CFAP47: variants seen among roughly 807,000 people sequenced by gnomAD.
CFAP47 encodes cilia and flagella associated protein 47.
In CFAP47, 29 loss-of-function variants were observed where a neutral mutation model predicts 148.1. The ratio of observed to expected loss-of-function variants is 0.20; its 90% confidence interval spans 0.15 to 0.27. CFAP47 has a LOEUF of 0.27. CFAP47 is among the 10% of genes least tolerant of loss of function. The pLI is 1.00. For missense variants in CFAP47, 1,872 were observed against 1,697.5 expected (o/e 1.10, Z -1.81); for synonymous variants, 664 against 577.3 (o/e 1.15, Z -2.15).
chrX:36,225,168 A>G (rs1940256241), intron 45 of CFAP47, among the ~76,000 whole-genome samples: 1 of 112,028 alleles, frequency 8.9e-6, no homozygotes, highest in African/African-American at 3.2e-5. Context: ...TAGGGATGGA[A>G]GGGACAGATC....
rs782671986 is a variant in CFAP47, at chrX:36,232,879, A to G, written c.7015-3055A>G. Reference sequence around the variant, plus strand: ...GCCTTCATTTCGTTATGTATCCAGTAGTCATTCAGGAGCAGGTTGTTCAGT... The same window carrying G: ...GCCTTCATTTCGTTATGTATCCAGTGGTCATTCAGGAGCAGGTTGTTCAGT... On this transcript the variant is annotated intron_variant, in intron 46 of 63. Coordinates refer to ENST00000378653, the MANE Select transcript of CFAP47 (RefSeq NM_001304548.2). Among the ~76,000 whole-genome samples the G allele has an allele frequency of 1.4e-3, 160 of 112,228 alleles. 1 individual carries two copies. Among genetic ancestry groups the G allele is most frequent in the African/African-American group, 4.7e-3 (146 of 30,887 alleles).
At chrX:36,282,351 G>A (rs1479447692) in intron 50 of CFAP47, among the ~76,000 whole-genome samples, 1 of 110,893 alleles carries the variant, frequency 9.0e-6, no homozygotes, top group Non-Finnish European at 1.9e-5. Context: ...CTTCATGAGG[G>A]TTAAAGTGTT....
At chrX:36,084,831 G>A (rs1019692173) in intron 29 of CFAP47, among the ~76,000 whole-genome samples, 1 of 111,418 alleles carries the variant, frequency 9.0e-6, no homozygotes, top group Non-Finnish European at 1.9e-5. Context: ...GCCCTTCTAA[G>A]CATTAAAATA....
In CFAP47 at chrX:36,030,620, A is replaced by T. The variant is rs1463280697; in HGVS notation, c.3557-633A>T. Among the ~76,000 whole-genome samples the T allele has an allele frequency of 3.6e-5, 4 of 110,570 alleles. No individual in the cohort carries two copies. The Admixed American group carries it at 3.9e-4, about 11-fold the overall frequency. ...GATACATACATTTTTAGGATCAGAA[A>T]TTGTTTTATTTTATTTACTTTTTTT... On this transcript the variant is annotated intron_variant, in intron 22 of 63. Transcript: ENST00000378653.
intron 33 of CFAP47, among the ~76,000 whole-genome samples, chrX:36,110,995 A>G (rs1301929135): frequency 9.0e-6 from 1 of 111,512 alleles, no homozygotes; most frequent in Non-Finnish European, 1.9e-5. Context: ...CAGCATAAGG[A>G]GTTTTTGGGT....
At chrX:36,248,495 A>G (rs1193779678) in intron 48 of CFAP47, among the ~76,000 whole-genome samples, 3 of 67,757 alleles carry the variant, frequency 4.4e-5, no homozygotes, top group African/African-American at 3.4e-4. Context: ...CACATATTAT[A>G]TCACACACAC....
chrX:36,210,832 G>A (rs188820498), intron 45 of CFAP47, among the ~76,000 whole-genome samples: 31 of 112,570 alleles, frequency 2.8e-4, no homozygotes, highest in African/African-American at 1.0e-3. Flanking sequence ...GACTTTCATA[G>A]CTTTAGTTCT....
intron 30 of CFAP47, among the ~76,000 whole-genome samples, chrX:36,087,054 G>A (rs1181798139): frequency 9.0e-6 from 1 of 111,632 alleles, no homozygotes; most frequent in African/African-American, 3.3e-5. Context: ...AAAAGAACAA[G>A]TATCCAGAAA....
intron 2 of CFAP47, among the ~76,000 whole-genome samples, chrX:35,930,180 C>T (rs6632402): frequency 0.2 from 22,305 of 110,253 alleles, 1,966 homozygotes; most frequent in African/African-American, 0.34. Flanking sequence ...TCTGTGTCAA[C>T]TTACATGATC....
intron 48 of CFAP47, among the ~76,000 whole-genome samples, chrX:36,242,304 A>G (rs781876666): frequency 4.0e-4 from 45 of 112,102 alleles, no homozygotes; most frequent in South Asian, 1.5e-3. Flanking sequence ...GGTCTCCAGG[A>G]ATGGTTCTTA....
intron 26 of CFAP47, among the ~76,000 whole-genome samples, chrX:36,064,700 T>C (rs917671787): frequency 1.8e-5 from 2 of 111,967 alleles, no homozygotes; most frequent in African/African-American, 6.5e-5. Flanking sequence ...TCAACAGTGA[T>C]ATTTTCTTGG....
In CFAP47 at chrX:36,300,117, T is replaced by C. The variant is rs1210207342; in HGVS notation, c.7863-955T>C. Among the ~76,000 whole-genome samples, 40 of 111,023 alleles carry C rather than the reference T, an allele frequency of 3.6e-4. No homozygotes were observed. In the Admixed American group the frequency reaches 3.9e-3, roughly 11 times the overall value. Reference sequence around the variant, plus strand: ...TTACTGTCTGCCTACTCTGTTATCATCATTGGGGCGTGTATTTTACATATA... The same window carrying C: ...TTACTGTCTGCCTACTCTGTTATCACCATTGGGGCGTGTATTTTACATATA... On this transcript the variant is annotated intron_variant, in intron 52 of 63. Coordinates refer to ENST00000378653, the MANE Select transcript of CFAP47 (RefSeq NM_001304548.2).
chrX:36,375,091 T>G (rs1208668857), intron 62 of CFAP47: 1 of 395,524 alleles, frequency 2.5e-6, no homozygotes, highest in African/African-American at 2.5e-5. Context: ...ATGATGACTT[T>G]GGAGCATGAC....
chrX:36,131,255 G>A (rs774315979), intron 33 of CFAP47, among the ~76,000 whole-genome samples: 11 of 110,994 alleles, frequency 9.9e-5, no homozygotes, highest in Non-Finnish European at 1.9e-4. Context: ...ACAAGTGTTG[G>A]CAAGGATTCA....
At chrX:36,285,422 C>A (rs918051252) in intron 50 of CFAP47, among the ~76,000 whole-genome samples, 18 of 111,680 alleles carry the variant, frequency 1.6e-4, no homozygotes, top group African/African-American at 5.8e-4. Context: ...TTGTACAGGA[C>A]ATTCTCTTGG....
chrX:36,089,981 A>G (rs1938157109), intron 30 of CFAP47, among the ~76,000 whole-genome samples: 2 of 112,040 alleles, frequency 1.8e-5, no homozygotes, highest in South Asian at 7.3e-4. Context: ...AGTAACCACT[A>G]GTGACATACT....
At chrX:35,979,441 A>C (rs1185725439) in intron 15 of CFAP47, among the ~76,000 whole-genome samples, 1 of 108,596 alleles carries the variant, frequency 9.2e-6, no homozygotes, top group Non-Finnish European at 1.9e-5. Context: ...TGATCAATTC[A>C]CTCCCACTCT....
intron 21 of CFAP47, among the ~76,000 whole-genome samples, chrX:36,014,253 A>G (rs1445325956): frequency 9.0e-6 from 1 of 111,726 alleles, no homozygotes; most frequent in African/African-American, 3.2e-5. Flanking sequence ...TTTTTTCATT[A>G]GTTCATTTTC....
chrX:36,244,599 A>T (rs1375743192), intron 48 of CFAP47, among the ~76,000 whole-genome samples: 1 of 111,974 alleles, frequency 8.9e-6, no homozygotes, highest in African/African-American at 3.2e-5. Flanking sequence ...GACTATTATC[A>T]TCAACTCTAT....
Sources: gnomAD v4.1 joint callset for allele counts (sites outside exome capture counted in the v4.1 genomes callset) on GRCh38, gnomAD v4.1.1 for gene constraint, MANE v1.5 for transcripts, NCBI Gene and HGNC (gene_info 2026-07-23, HGNC 2026-07-21) for gene names.